Variants in RGS7BP observed in about 807,000 individuals in gnomAD.
RGS7BP encodes regulator of G protein signaling 7-binding protein.
In RGS7BP, 9 loss-of-function variants were observed where a neutral mutation model predicts 31.3. That is an observed-to-expected ratio of 0.29 (90% CI 0.17 to 0.50). The LOEUF is 0.50. Ranked by LOEUF, RGS7BP falls within the 20% of genes least tolerant of loss-of-function variation. RGS7BP has a pLI of 0.98. For synonymous variants in RGS7BP, 115 were observed against 120.1 expected (o/e 0.96, Z 0.28); for missense variants, 274 against 322.0 (o/e 0.85, Z 1.14).
intron 2 of RGS7BP, among the ~76,000 whole-genome samples, chr5:64,549,771 A>G (rs1373611212): frequency 6.6e-6 from 1 of 152,150 alleles, no homozygotes. Context: ...ATTATTTTTT[A>G]TAATATGGGT....
At chr5:64,553,972 C>T (rs1741859497) in intron 2 of RGS7BP, among the ~76,000 whole-genome samples, 1 of 152,078 alleles carries the variant, frequency 6.6e-6, no homozygotes. Flanking sequence ...TAAAAAGGGG[C>T]TTGTAGTTAG....
chr5:64,570,295 C>T lies in RGS7BP; in HGVS notation c.333-5479C>T, dbSNP rs147970061. ...ATACTTGCTTTCCCACACATGATTTCATTTGATCCTTGCAGCAACCTTGAG... is the reference window on the plus strand; with the variant it reads ...ATACTTGCTTTCCCACACATGATTTTATTTGATCCTTGCAGCAACCTTGAG... On this transcript the variant is annotated intron_variant, in intron 2 of 5. Transcript: ENST00000334025. Among the ~76,000 whole-genome samples, 267 of 152,228 alleles carry T rather than the reference C, an allele frequency of 1.8e-3. 3 individuals are homozygous for T. The highest frequency in any genetic ancestry group is 6.2e-3 in the African/African-American group (256 of 41,560).
At chr5:64,594,072 C>T (rs193099789) in intron 3 of RGS7BP, among the ~76,000 whole-genome samples, 1 of 152,262 alleles carries the variant, frequency 6.6e-6, no homozygotes, top group African/African-American at 2.4e-5. Context: ...TAGTGCATTG[C>T]TGTGGACGGC....
At chr5:64,528,084 C>T (rs1222444351) in intron 2 of RGS7BP, among the ~76,000 whole-genome samples, 6 of 152,296 alleles carry the variant, frequency 3.9e-5, no homozygotes, top group Non-Finnish European at 7.4e-5. Flanking sequence ...TTTGCTTGTC[C>T]TCTAGGTTAC....
At chr5:64,551,298 T>C (rs968026931) in intron 2 of RGS7BP, among the ~76,000 whole-genome samples, 19 of 150,902 alleles carry the variant, frequency 1.3e-4, no homozygotes, top group African/African-American at 4.7e-4. Flanking sequence ...AGTCTCACTC[T>C]GTCTCCCAGC....
chr5:64,556,111 C>A (rs1003763026), intron 2 of RGS7BP, among the ~76,000 whole-genome samples: 2 of 152,112 alleles, frequency 1.3e-5, no homozygotes, highest in African/African-American at 4.8e-5. Flanking sequence ...TATCAATTTA[C>A]TCTTCCATCA....
Position 64,534,061 on chromosome 5 carries a change from G to A in RGS7BP, c.332+26184G>A, listed in dbSNP as rs1039132010. Among the ~76,000 whole-genome samples the A allele has an allele frequency of 7.2e-5, 11 of 152,204 alleles. No homozygotes were observed. In the East Asian group the frequency reaches 1.3e-3, roughly 19 times the overall value. On this transcript the variant is annotated intron_variant, in intron 2 of 5. Transcript: ENST00000334025. ...GAGCAAGTGTGCTGCATCTGTGGGT[G>A]GAGGAAAAGAGCAGCTGATTCAGGT...
At chr5:64,550,033 T>G (rs934166993) in intron 2 of RGS7BP, among the ~76,000 whole-genome samples, 6 of 152,202 alleles carry the variant, frequency 3.9e-5, no homozygotes, top group Non-Finnish European at 8.8e-5. Flanking sequence ...TTCCTGCAGT[T>G]TCCAAAATAT....
chr5:64,567,843 C>A (rs1742206517), intron 2 of RGS7BP, among the ~76,000 whole-genome samples: 1 of 149,982 alleles, frequency 6.7e-6, no homozygotes, highest in South Asian at 2.1e-4. Flanking sequence ...AATGAATGAC[C>A]CATACTTTCG....
chr5:64,598,291 CAT>C (rs944154927), intron 4 of RGS7BP, 72 bp from the exon 5 acceptor site: 1 of 852,448 alleles, frequency 1.2e-6, no homozygotes, highest in African/African-American at 1.7e-5. Flanking sequence ...TCAGTTGTCT[CAT>C]ATAACAGATT....
chr5:64,536,421 G>A (rs1741360405), intron 2 of RGS7BP, among the ~76,000 whole-genome samples: 1 of 152,110 alleles, frequency 6.6e-6, no homozygotes. Context: ...GTTCCTTATG[G>A]TGTTTATTGT....
chr5:64,585,363 A>G (rs1742714993), intron 3 of RGS7BP, among the ~76,000 whole-genome samples: 1 of 152,090 alleles, frequency 6.6e-6, no homozygotes, highest in African/African-American at 2.4e-5. Context: ...AAGGACATCC[A>G]AAAAGATATT....
In RGS7BP at chr5:64,594,707, T is replaced by C. The variant is rs1199963004; in HGVS notation, c.464-3T>C. 5.6e-6 allele frequency: 9 copies of C among 1,613,370 alleles called. No individual in the cohort carries two copies. The South Asian group carries it at 9.9e-5, about 18-fold the overall frequency. ...CTCTTTACCAACACCCTCCCTCCCT[T>C]AGGAAAGGAACCTGGCGGGGGAACC... On this transcript the variant is annotated splice_region_variant and splice_polypyrimidine_tract_variant and intron_variant, in intron 3 of 5. Coordinates refer to ENST00000334025, the MANE Select transcript of RGS7BP (RefSeq NM_001029875.3).
intron 2 of RGS7BP, chr5:64,573,635 G>A (rs1338257879): frequency 9.3e-5 from 14 of 150,470 alleles, no homozygotes. Flanking sequence ...CCTAAGCAAG[G>A]ATGACATGCA....
At chr5:64,521,038 T>C (rs1749095649) in intron 2 of RGS7BP, among the ~76,000 whole-genome samples, 1 of 152,178 alleles carries the variant, frequency 6.6e-6, no homozygotes, top group African/African-American at 2.4e-5. Flanking sequence ...GTGTTTAAAA[T>C]CATCACGGTA....
chr5:64,581,512 G>A (rs1383085746), intron 3 of RGS7BP, among the ~76,000 whole-genome samples: 2 of 152,146 alleles, frequency 1.3e-5, no homozygotes, highest in Non-Finnish European at 2.9e-5. Context: ...ACCTCACTTA[G>A]TTGTACTCTT....
In RGS7BP at chr5:64,507,750, G is replaced by C. The variant is rs1331290430; in HGVS notation, c.205G>C (p.Glu69Gln). Reference protein sequence around the residue: ...EFNTQVALYRELVISIGDVSV... With the variant: ...EFNTQVALYRQLVISIGDVSV... ...CAACACACAAGTGGCCCTGTACCGAGAGCTGGTCATTTCTATTGGGGATGT... is the reference window on the plus strand; with the variant it reads ...CAACACACAAGTGGCCCTGTACCGACAGCTGGTCATTTCTATTGGGGATGT... The change falls in exon 2 of 6, where the codon GAG becomes CAG. Residue 69 changes from glutamate to glutamine, a missense_variant. Glu to Gln is a conservative substitution (Grantham distance 29). Coordinates refer to ENST00000334025, the MANE Select transcript of RGS7BP (RefSeq NM_001029875.3). 6.2e-7 allele frequency: 1 copy of C among 1,613,572 alleles called. No homozygotes were observed. The highest frequency in any genetic ancestry group is 1.1e-5 in the South Asian group (1 of 91,030).
intron 2 of RGS7BP, among the ~76,000 whole-genome samples, chr5:64,509,068 C>T (rs1274159986): frequency 6.6e-6 from 1 of 151,970 alleles, no homozygotes; most frequent in East Asian, 1.9e-4. Context: ...ATTGAGAAGC[C>T]TTATCCTTTT....
At chr5:64,511,648 A>C (rs1298583484) in intron 2 of RGS7BP, among the ~76,000 whole-genome samples, 2 of 152,172 alleles carry the variant, frequency 1.3e-5, no homozygotes, top group African/African-American at 4.8e-5. Context: ...GAGACACTTC[A>C]TAGAATCCCT....
Sources: gnomAD v4.1 joint callset for allele counts (sites outside exome capture counted in the v4.1 genomes callset) on GRCh38, gnomAD v4.1.1 for gene constraint, MANE v1.5 for transcripts, NCBI Gene and HGNC (gene_info 2026-07-23, HGNC 2026-07-21) for gene names.